Variants in MMP24 observed in about 807,000 individuals in gnomAD.
The protein encoded by MMP24 is matrix metallopeptidase 24.
In MMP24, 25 loss-of-function variants were observed where a neutral mutation model predicts 62.8. The observed-to-expected ratio is 0.40, with a 90% CI of 0.29 to 0.56. The LOEUF (loss-of-function observed/expected upper bound fraction) is 0.56, where lower values mean the gene tolerates loss of function less well. MMP24 is among the 20% of genes least tolerant of loss of function. The probability of loss-of-function intolerance (pLI) is 0.50; values close to 1 mark genes in which losing one functional copy is unlikely to be tolerated. For missense variants in MMP24, 634 were observed against 853.6 expected (o/e 0.74, Z 3.21); for synonymous variants, 319 against 350.5 (o/e 0.91, Z 1.00).
chr20:35,244,692 G>T (rs12479973), intron 1 of MMP24, among the ~76,000 whole-genome samples: 78 of 151,710 alleles, frequency 5.1e-4, no homozygotes, highest in African/African-American at 1.7e-3. Flanking sequence ...CACCCACCTT[G>T]GCCTTCCAAA....
chr20:35,270,304 C>CG (rs1445861521), intron 7 of MMP24, among the ~76,000 whole-genome samples: 2 of 152,196 alleles, frequency 1.3e-5, no homozygotes, highest in Admixed American at 6.5e-5. Context: ...TATCTTGACT[C>CG]GGGCCAGACC....
In MMP24 at chr20:35,271,969, T is replaced by C. The variant is rs1057119254; in HGVS notation, c.1600+134T>C. 22 of 976,112 alleles carry C rather than the reference T, an allele frequency of 2.3e-5. No individual in the cohort carries two copies. The highest frequency in any genetic ancestry group is 3.3e-5 in the African/African-American group (2 of 60,928). 60.5% of individuals were successfully genotyped at this position (976,112 alleles called of 1,614,324 possible). ...CCTGGTGGCAGACAACTGCCTCATA[T>C]CTACCCATGTTCACGTGGTCCATTA... On this transcript the variant is annotated intron_variant, in intron 8 of 8. Coordinates refer to ENST00000246186, the MANE Select transcript of MMP24 (RefSeq NM_006690.4). The surrounding 1 kb of genome is among the most constrained non-coding windows in gnomAD (Gnocchi z 4.0).
At chr20:35,256,906 C>T (rs534594771) in intron 4 of MMP24, among the ~76,000 whole-genome samples, 1 of 152,200 alleles carries the variant, frequency 6.6e-6, no homozygotes, top group African/African-American at 2.4e-5. Context: ...CCTACCTGGC[C>T]TGATCATAAG....
At chr20:35,249,153 A>G (rs2060531654) in intron 2 of MMP24, among the ~76,000 whole-genome samples, 1 of 152,146 alleles carries the variant, frequency 6.6e-6, no homozygotes, top group Non-Finnish European at 1.5e-5. Flanking sequence ...TCAGGGTAGA[A>G]TTTAGAGCCC....
In MMP24 at chr20:35,246,929, C is replaced by T. The variant is rs1876903518; in HGVS notation, c.336C>T (p.Ser112=). The T allele has an allele frequency of 5.0e-6, 8 of 1,613,942 alleles. No individual in the cohort carries two copies. Among genetic ancestry groups the T allele is most frequent in the Non-Finnish European group, 6.8e-6 (8 of 1,179,904 alleles). ...CGAAGGCCTTGCAGTCGGCAGTCTCCACTATGCAGCAGTTTTACGGGATCC... is the reference window on the plus strand; with the variant it reads ...CGAAGGCCTTGCAGTCGGCAGTCTCTACTATGCAGCAGTTTTACGGGATCC... ...HSAKALQSAV[S]TMQQFYGIPV... Residue 112 remains serine (S), a synonymous_variant, in exon 2 of 9, where the codon TCC becomes TCT. Coordinates refer to ENST00000246186, the MANE Select transcript of MMP24 (RefSeq NM_006690.4).
intron 3 of MMP24, among the ~76,000 whole-genome samples, chr20:35,254,149 G>A (rs908205857): frequency 5.9e-5 from 9 of 152,190 alleles, no homozygotes; most frequent in South Asian, 4.1e-4. Flanking sequence ...GATTACAGGC[G>A]TGAACCGCTG....
In MMP24 at chr20:35,274,042, GC is replaced by G. The variant is rs1568623831; in HGVS notation, c.1601-226del. 6.6e-6 allele frequency among the ~76,000 whole-genome samples: 1 copy of G among 152,164 alleles called. No homozygotes were observed. The highest frequency in any genetic ancestry group is 1.9e-4 in the East Asian group (1 of 5,186). On this transcript the variant is annotated intron_variant, in intron 8 of 8. Coordinates refer to ENST00000246186, the MANE Select transcript of MMP24 (RefSeq NM_006690.4). The surrounding 1 kb of genome is among the most constrained non-coding windows in gnomAD (Gnocchi z 5.1). ...GAACCATGTCCCAGTTCTCCCTGAAGCCCCTCTGGTTTCCTAGCACCCGTAG... is the reference window on the plus strand; with the variant it reads ...GAACCATGTCCCAGTTCTCCCTGAAGCCCTCTGGTTTCCTAGCACCCGTAG...
chr20:35,264,020 G>A, intron 5 of MMP24, 68 bp downstream of exon 5: 1 of 1,489,482 alleles, frequency 6.7e-7, no homozygotes, highest in East Asian at 2.4e-5. Flanking sequence ...ACCTGTCATG[G>A]GGCAGGGGAC....
intron 1 of MMP24, among the ~76,000 whole-genome samples, chr20:35,230,946 C>T (rs1343934435): frequency 2.6e-5 from 4 of 152,026 alleles, no homozygotes; most frequent in African/African-American, 9.7e-5. Context: ...TATTTTTCTC[C>T]ACACCCCACA....
chr20:35,271,886 C>T lies in MMP24; in HGVS notation c.1600+51C>T, dbSNP rs2060672260. 6.4e-7 allele frequency: 1 copy of T among 1,556,620 alleles called. No individual in the cohort carries two copies. The highest frequency in any genetic ancestry group is 1.4e-5 in the African/African-American group (1 of 73,770). On this transcript the variant is annotated intron_variant, in intron 8 of 8. Transcript: ENST00000246186. The surrounding 1 kb of genome is among the most constrained non-coding windows in gnomAD (Gnocchi z 4.0). ...GCATGGGGAGCCGGTTTTATGTGGT[C>T]CTCACCAGTGCCCACGGGCATACTC...
intron 2 of MMP24, among the ~76,000 whole-genome samples, chr20:35,249,893 C>T (rs540099657): frequency 2.6e-5 from 4 of 151,662 alleles, no homozygotes; most frequent in South Asian, 2.1e-4. Context: ...GTGCCTGGCC[C>T]GGGAATAATA....
chr20:35,261,142 C>G (rs1279727348), intron 4 of MMP24, among the ~76,000 whole-genome samples: 1 of 152,182 alleles, frequency 6.6e-6, no homozygotes, highest in African/African-American at 2.4e-5. Context: ...CTCCCTACCC[C>G]CTGCATTTTC....
chr20:35,263,695 A>C, intron 4 of MMP24, 96 bp from the exon 5 acceptor site: 1 of 1,071,258 alleles, frequency 9.3e-7, no homozygotes, highest in Non-Finnish European at 1.3e-6. Context: ...GGCCTGGCAC[A>C]GGGCCCGTGC....
chr20:35,266,620 G>A lies in MMP24; in HGVS notation c.980-585G>A, dbSNP rs574405647. ...CAACCAAGAGAGTGTTTCCAGGAAAGTGTTTCTATGAATCTTGCTGCTCAA... is the reference window on the plus strand; with the variant it reads ...CAACCAAGAGAGTGTTTCCAGGAAAATGTTTCTATGAATCTTGCTGCTCAA... On this transcript the variant is annotated intron_variant, in intron 5 of 8. Coordinates refer to ENST00000246186, the MANE Select transcript of MMP24 (RefSeq NM_006690.4). Among the ~76,000 whole-genome samples the A allele has an allele frequency of 8.5e-5, 13 of 152,242 alleles. No individual in the cohort carries two copies. In the South Asian group the frequency reaches 2.5e-3, roughly 29 times the overall value.
chr20:35,250,958 C>T lies in MMP24; in HGVS notation c.396-947C>T, dbSNP rs139171638. Among the ~76,000 whole-genome samples, 21 of 152,292 alleles carry T rather than the reference C, an allele frequency of 1.4e-4. 1 individual carries two copies. In the East Asian group the frequency reaches 4.1e-3, roughly 29 times the overall value. ...GATTTACGTAATTTCAGGCACTGGG[C>T]TACCTTCTTTTGAGGATACAATGAT... is the stretch of plus-strand genomic sequence containing the variant. On this transcript the variant is annotated intron_variant, in intron 2 of 8. Coordinates refer to ENST00000246186, the MANE Select transcript of MMP24 (RefSeq NM_006690.4).
chr20:35,241,426 T>C (rs1185440057), intron 1 of MMP24, among the ~76,000 whole-genome samples: 8 of 152,112 alleles, frequency 5.3e-5, no homozygotes, highest in Admixed American at 5.2e-4. Context: ...AGTGTGCCCC[T>C]AGGCTCTGAG....
chr20:35,273,926 A>G (rs1026409471), intron 8 of MMP24, among the ~76,000 whole-genome samples: 1 of 152,154 alleles, frequency 6.6e-6, no homozygotes, highest in Non-Finnish European at 1.5e-5. Flanking sequence ...TGGAGCCCAC[A>G]TGAGCGGGGC....
At position 35,271,632 on chromosome 20, in the gene MMP24, A is replaced by T; in HGVS notation, c.1397A>T (p.Glu466Val). The change falls in exon 8 of 9, where the codon GAG becomes GTG. Residue 466 changes from glutamate to valine, a missense_variant. Physicochemically the swap from Glu to Val is moderately radical, Grantham distance 121. This residue lies in a region of MMP24 where 399 missense variants were observed against 530.8 expected (regional missense o/e 0.75). Transcript: ENST00000246186. This position sits in a 1 kb window ranked among gnomAD's most constrained non-coding sequence, Gnocchi z 4.0. The part of the protein sequence containing the change: ...VEPGYPHSLG[E>V]LGSCLPREGI... ...CCTGGGTACCCCCACAGCCTGGGGG[A>T]GCTGGGCAGCTGTTTGCCCCGTGAA... 6.2e-7 allele frequency: 1 copy of T among 1,611,430 alleles called. No individual in the cohort carries two copies. The highest frequency in any genetic ancestry group is 8.5e-7 in the Non-Finnish European group (1 of 1,178,934).
intron 2 of MMP24, among the ~76,000 whole-genome samples, chr20:35,250,423 G>T (rs2060538883): frequency 6.6e-6 from 1 of 152,202 alleles, no homozygotes; most frequent in East Asian, 1.9e-4. Context: ...AGCCAAGCGT[G>T]GTGGTGCGCG....
Sources: allele counts gnomAD v4.1 joint callset (sites outside exome capture counted in the v4.1 genomes callset), GRCh38; gene constraint gnomAD v4.1.1; regional missense constraint gnomAD v4.1.1; non-coding constraint Gnocchi (gnomAD v3.1); transcripts MANE v1.5; gene names NCBI Gene and HGNC (gene_info 2026-07-23, HGNC 2026-07-21).